POLR2M: variants seen among roughly 807,000 people sequenced by gnomAD.
POLR2M encodes RNA polymerase II subunit M.
In POLR2M, 30 loss-of-function variants were observed where a neutral mutation model predicts 34.6. That is an observed-to-expected ratio of 0.87 (90% CI 0.65 to 1.18). The LOEUF is 1.18. Among genes scored for constraint, POLR2M ranks in the 50% most tolerant of loss-of-function variants. The pLI, the probability that POLR2M is intolerant of heterozygous loss-of-function variation, is 0.00. For missense variants in POLR2M, 432 were observed against 448.7 expected, an observed-to-expected ratio of 0.96 and a Z score of 0.34; for synonymous variants, 150 against 166.7, an observed-to-expected ratio of 0.90 and a Z score of 0.77.
intron 1 of POLR2M, chr15:57,707,385 G>A (rs2040536912): frequency 1.5e-6 from 1 of 686,338 alleles, no homozygotes; most frequent in South Asian, 1.5e-5. Flanking sequence ...ATTAGGCCGG[G>A]AAAGTTCGAC....
chr15:57,709,970 A>G (rs1017961908), intron 2 of POLR2M, among the ~76,000 whole-genome samples: 2 of 152,218 alleles, frequency 1.3e-5, no homozygotes, highest in Non-Finnish European at 1.5e-5. Context: ...TTGTGGGGAC[A>G]CAATTAAGTC....
Position 57,710,213 on chromosome 15 carries a change from C to T in POLR2M, c.758+855C>T, listed in dbSNP as rs2040655406. Among the ~76,000 whole-genome samples, 3 of 152,244 alleles carry T rather than the reference C, an allele frequency of 2.0e-5. No homozygotes were observed. The South Asian group carries it at 6.2e-4, about 32-fold the overall frequency. On this transcript the variant is annotated intron_variant, in intron 2 of 3. Transcript: ENST00000299638. ...GAAAAACTGTGAAAATAGATTCAGG[C>T]AGGATAGGCAAAAACTCTGCTTATC...
In POLR2M at chr15:57,714,890, G is replaced by A. The variant is rs1201573653; in HGVS notation, c.*211G>A. ...TTTGAATATTGTGTTTAACCACATG[G>A]TATTAAAATTTTGCAATATATTGTG... On this transcript the variant is annotated 3_prime_UTR_variant, in exon 4 of 4. Transcript: ENST00000299638. 1.3e-6 allele frequency: 1 copy of A among 757,008 alleles called. No homozygotes were observed. The highest frequency in any genetic ancestry group is 2.0e-6 in the Non-Finnish European group (1 of 492,420). The allele number at this position is 757,008 out of a possible 1,614,324, so 46.9% of individuals were successfully genotyped here. A position where few individuals can be genotyped will look rare whatever the true frequency, so the allele number is the denominator to read the frequency against.
In POLR2M at chr15:57,716,525, T is replaced by C. The variant is rs550216255; in HGVS notation, c.*1846T>C. On this transcript the variant is annotated 3_prime_UTR_variant, in exon 4 of 4. Coordinates refer to ENST00000299638, the MANE Select transcript of POLR2M (RefSeq NM_015532.5). ...TTAGCAATATATCCAATGCTCAGAA[T>C]TGAAAATTACTACTTAAAATCTTTG... 3 of 152,410 alleles carry C rather than the reference T, an allele frequency of 2.0e-5. No individual in the cohort carries two copies. The highest frequency in any genetic ancestry group is 2.1e-4 in the South Asian group (1 of 4,834). The allele number at this position is 152,410 out of a possible 1,614,324, so 9.4% of individuals were successfully genotyped here.
Position 57,709,234 on chromosome 15 carries a change from A to C in POLR2M, c.634A>C (p.Asn212His), listed in dbSNP as rs1445345015. Reference protein sequence around the residue: ...ADQGEQQSEENASTKNLTGLS... With the variant: ...ADQGEQQSEEHASTKNLTGLS... Reference sequence around the variant, plus strand: ...CCAAGGTGAACAACAGTCAGAAGAAAACGCAAGTACTAAGAACTTGACAGG... The same window carrying C: ...CCAAGGTGAACAACAGTCAGAAGAACACGCAAGTACTAAGAACTTGACAGG... The change falls in exon 2 of 4, where the codon AAC (asparagine) becomes CAC (histidine). Residue 212 changes from asparagine to histidine, a missense_variant. Asn to His is a moderately conservative substitution (Grantham distance 68, BLOSUM62 1). Coordinates refer to ENST00000299638, the MANE Select transcript of POLR2M (RefSeq NM_015532.5). The C allele has an allele frequency of 1.2e-6, 2 of 1,614,128 alleles. No individual in the cohort carries two copies. The highest frequency in any genetic ancestry group is 1.7e-6 in the Non-Finnish European group (2 of 1,180,060).
At chr15:57,709,477 G>T in intron 2 of POLR2M, 119 bp downstream of exon 2, 1 of 1,225,008 alleles carries the variant, frequency 8.2e-7, no homozygotes, top group Non-Finnish European at 1.1e-6. Context: ...AGGAGGCTGA[G>T]GTGGGAAGAC....
In POLR2M at chr15:57,714,516, C is replaced by A. The variant is rs1449164538; in HGVS notation, c.964-20C>A. The A allele has an allele frequency of 6.2e-7, 1 of 1,611,840 alleles. No homozygotes were observed. Among genetic ancestry groups the A allele is most frequent in the Non-Finnish European group, 8.5e-7 (1 of 1,179,176 alleles). On this transcript the variant is annotated intron_variant, in intron 3 of 3. Coordinates refer to ENST00000299638, the MANE Select transcript of POLR2M (RefSeq NM_015532.5). ...AGAGATGTGAACGTGTAACTTTGTG[C>A]TTTGCTCTTTGTTTTAAAGGAGATG... is the stretch of plus-strand genomic sequence containing the variant.
At chr15:57,707,367 A>G (rs1595980371) in intron 1 of POLR2M, 1 of 706,064 alleles carries the variant, frequency 1.4e-6, no homozygotes, top group Non-Finnish European at 2.5e-6. Flanking sequence ...GGATATGAAG[A>G]GGGGTTTATT....
In POLR2M at chr15:57,715,222, C is replaced by T. The variant is rs1455413331; in HGVS notation, c.*543C>T. On this transcript the variant is annotated 3_prime_UTR_variant, in exon 4 of 4. Transcript: ENST00000299638. ...GAGAATGCTTAACAAATGCTCTTCT[C>T]CTTTTTCTGTCTTCCCTTAGGAAGA... The T allele has an allele frequency of 1.3e-5, 2 of 152,830 alleles. No homozygotes were observed. Among genetic ancestry groups the T allele is most frequent in the East Asian group, 1.9e-4 (1 of 5,210 alleles). 9.5% of individuals were successfully genotyped at this position (152,830 alleles called of 1,614,324 possible).
rs557765405 is a variant in POLR2M, at chr15:57,714,519, T to C, written c.964-17T>C. ...GATGTGAACGTGTAACTTTGTGCTT[T>C]GCTCTTTGTTTTAAAGGAGATGCAA... is the stretch of plus-strand genomic sequence containing the variant. On this transcript the variant is annotated splice_polypyrimidine_tract_variant and intron_variant, in intron 3 of 3. Coordinates refer to ENST00000299638, the MANE Select transcript of POLR2M (RefSeq NM_015532.5). 6.2e-6 allele frequency: 10 copies of C among 1,612,136 alleles called. No individual in the cohort carries two copies. In the African/African-American group the frequency reaches 1.3e-4, roughly 22 times the overall value.
intron 1 of POLR2M, chr15:57,707,368 G>C: frequency 2.8e-6 from 2 of 705,206 alleles, no homozygotes; most frequent in Non-Finnish European, 5.1e-6. Context: ...GATATGAAGA[G>C]GGGTTTATTA....
chr15:57,716,889 A>G lies in POLR2M; in HGVS notation c.*2210A>G, dbSNP rs1302360968. 6.6e-6 allele frequency: 1 copy of G among 152,190 alleles called. No individual in the cohort carries two copies. The allele number at this position is 152,190 out of a possible 1,614,324, so 9.4% of individuals were successfully genotyped here. On this transcript the variant is annotated 3_prime_UTR_variant, in exon 4 of 4. Transcript: ENST00000299638. ...TATTTTTGTAATCCAAGAATGGATAAATGTCCTTATTTTCTTCTAGTATTT... is the reference window on the plus strand; with the variant it reads ...TATTTTTGTAATCCAAGAATGGATAGATGTCCTTATTTTCTTCTAGTATTT...
At position 57,715,919 on chromosome 15, in the gene POLR2M, C is replaced by T. The variant is rs2040923084; in HGVS notation, c.*1240C>T. The T allele has an allele frequency of 1.3e-5, 2 of 152,256 alleles. No homozygotes were observed. Among genetic ancestry groups the T allele is most frequent in the African/African-American group, 2.4e-5 (1 of 41,470 alleles). 9.4% of individuals were successfully genotyped at this position (152,256 alleles called of 1,614,324 possible). On this transcript the variant is annotated 3_prime_UTR_variant, in exon 4 of 4. Transcript: ENST00000299638. ...GTAATTATTGCTTTCATTCCTTACC[C>T]CCCTCAAGCAAATGTGAAAAGTATA...
intron 2 of POLR2M, 95 bp from the exon 3 acceptor site, chr15:57,711,889 T>A: frequency 7.1e-7 from 1 of 1,403,158 alleles, no homozygotes; most frequent in Non-Finnish European, 9.7e-7. Context: ...TGGAGGAGAA[T>A]TAATTGCTAA....
In POLR2M at chr15:57,706,796, C is replaced by T; in HGVS notation, c.-47C>T. On this transcript the variant is annotated 5_prime_UTR_variant, in exon 1 of 4. Coordinates refer to ENST00000299638, the MANE Select transcript of POLR2M (RefSeq NM_015532.5). ...ATCCGGCGCTAGTAGCGGGGCCTGC[C>T]GAGGAAGCCGAGTGCCCGCCGCCGC... is the stretch of plus-strand genomic sequence containing the variant. The T allele has an allele frequency of 3.2e-6, 5 of 1,538,548 alleles. No homozygotes were observed. Among genetic ancestry groups the T allele is most frequent in the Non-Finnish European group, 4.4e-6 (5 of 1,137,850 alleles).
chr15:57,717,188 C>G lies in POLR2M; in HGVS notation c.*2509C>G, dbSNP rs561595027. On this transcript the variant is annotated 3_prime_UTR_variant, in exon 4 of 4. Coordinates refer to ENST00000299638, the MANE Select transcript of POLR2M (RefSeq NM_015532.5). ...TTTGTGTCTTAGGCCAATTTCTGGG[C>G]CTTCTGGGTTTTTTCTACACTGTCA... 1.1e-4 allele frequency: 17 copies of G among 152,200 alleles called. No homozygotes were observed. The highest frequency in any genetic ancestry group is 4.1e-4 in the African/African-American group (17 of 41,532). 9.4% of individuals were successfully genotyped at this position (152,200 alleles called of 1,614,324 possible).
In POLR2M at chr15:57,717,460, C is replaced by T. The variant is rs1387088708; in HGVS notation, c.*2781C>T. 2 of 152,144 alleles carry T rather than the reference C, an allele frequency of 1.3e-5. No individual in the cohort carries two copies. The highest frequency in any genetic ancestry group is 4.8e-5 in the African/African-American group (2 of 41,422). 9.4% of individuals were successfully genotyped at this position (152,144 alleles called of 1,614,324 possible). On this transcript the variant is annotated 3_prime_UTR_variant, in exon 4 of 4. Coordinates refer to ENST00000299638, the MANE Select transcript of POLR2M (RefSeq NM_015532.5). Reference sequence around the variant, plus strand: ...CTATCCTGACGTATGGTAATTCTCCCTCTGTCCTTTTAAGAATTATTTTAC... The same window carrying T: ...CTATCCTGACGTATGGTAATTCTCCTTCTGTCCTTTTAAGAATTATTTTAC...
In POLR2M at chr15:57,716,718, T is replaced by C. The variant is rs1490580552; in HGVS notation, c.*2039T>C. 1 of 152,306 alleles carries C rather than the reference T, an allele frequency of 6.6e-6. No homozygotes were observed. The highest frequency in any genetic ancestry group is 1.5e-5 in the Non-Finnish European group (1 of 68,050). 9.4% of individuals were successfully genotyped at this position (152,306 alleles called of 1,614,324 possible). On this transcript the variant is annotated 3_prime_UTR_variant, in exon 4 of 4. Coordinates refer to ENST00000299638, the MANE Select transcript of POLR2M (RefSeq NM_015532.5). ...GCTTGCTTGGAGAATTTGCTCTTTT[T>C]TTGGCATATAAGTTCTTAAGAATGT...
intron 1 of POLR2M, chr15:57,707,479 A>G (rs1481101202): frequency 2.1e-5 from 11 of 533,042 alleles, no homozygotes; most frequent in Middle Eastern, 2.8e-4. Context: ...AGCTTTGTTC[A>G]GCAGCTTGTT....
Sources: allele counts gnomAD v4.1 joint callset (sites outside exome capture counted in the v4.1 genomes callset), GRCh38; gene constraint gnomAD v4.1.1; transcripts MANE v1.5; gene names NCBI Gene and HGNC (gene_info 2026-07-23, HGNC 2026-07-21).